The following GCLM variants were observed in gnomAD, a reference collection of about 807,000 sequenced individuals.
GCLM encodes glutamate-cysteine ligase modifier subunit.
In GCLM, 15 loss-of-function variants were observed where a neutral mutation model predicts 36.0. That is an observed-to-expected ratio of 0.42 (90% CI 0.28 to 0.64). The LOEUF (loss-of-function observed/expected upper bound fraction) is 0.64. GCLM is among the 30% of genes least tolerant of loss of function. The pLI is 0.25. For missense variants in GCLM, 242 were observed against 325.5 expected (o/e 0.74, Z 1.97); for synonymous variants, 129 against 122.8 (o/e 1.05, Z -0.34).
intron 2 of GCLM, among the ~76,000 whole-genome samples, chr1:93,903,658 G>C (rs1657043261): frequency 6.6e-6 from 1 of 151,724 alleles, no homozygotes; most frequent in Non-Finnish European, 1.5e-5. Flanking sequence ...TTTTTTTCCT[G>C]AGTGCAGCAG....
chr1:93,896,297 A>G lies in GCLM; in HGVS notation c.540+321T>C, dbSNP rs560036794. Reference sequence around the variant, plus strand: ...CTTTAGGTATTATTGTTTTCAGCACATAAGTAGAACTGAAGGAAATGGCCT... The same window carrying G: ...CTTTAGGTATTATTGTTTTCAGCACGTAAGTAGAACTGAAGGAAATGGCCT... On this transcript the variant is annotated intron_variant, in intron 5 of 6. Transcript: ENST00000370238. Among the ~76,000 whole-genome samples, 6 of 152,306 alleles carry G rather than the reference A, an allele frequency of 3.9e-5. No homozygotes were observed. In the South Asian group the frequency reaches 1.2e-3, roughly 32 times the overall value.
chr1:93,893,351 T>C (rs1273522484), intron 6 of GCLM, among the ~76,000 whole-genome samples: 1 of 152,154 alleles, frequency 6.6e-6, no homozygotes, highest in African/African-American at 2.4e-5. Flanking sequence ...CAAGGAAAAA[T>C]AACTATTAAA....
At chr1:93,905,620 TAC>T (rs1657121267) in intron 1 of GCLM, among the ~76,000 whole-genome samples, 1 of 152,176 alleles carries the variant, frequency 6.6e-6, no homozygotes, top group Non-Finnish European at 1.5e-5. Flanking sequence ...AAAAAATTTA[TAC>T]AAATATTATA....
intron 1 of GCLM, among the ~76,000 whole-genome samples, chr1:93,905,666 A>C (rs1431252181): frequency 6.6e-6 from 1 of 152,254 alleles, no homozygotes; most frequent in African/African-American, 2.4e-5. Flanking sequence ...ATACTTTATT[A>C]AAGTGTATTT....
intron 1 of GCLM, 72 bp from the exon 2 acceptor site, chr1:93,904,660 A>G (rs2234729): frequency 0.033 from 30,924 of 929,248 alleles, 2,161 homozygotes; most frequent in African/African-American, 0.24. Flanking sequence ...CAATAAGAAT[A>G]TATTAATTTG....
intron 1 of GCLM, among the ~76,000 whole-genome samples, chr1:93,906,423 T>C (rs1234462508): frequency 6.6e-6 from 1 of 152,154 alleles, no homozygotes; most frequent in Non-Finnish European, 1.5e-5. Context: ...GTGGGATAAT[T>C]CTAAGAAATT....
intron 4 of GCLM, among the ~76,000 whole-genome samples, chr1:93,897,312 T>C (rs1412925651): frequency 6.6e-6 from 1 of 152,204 alleles, no homozygotes; most frequent in African/African-American, 2.4e-5. Context: ...TCCATATTTA[T>C]AGAGGTAGAT....
rs139488679 is a variant in GCLM, at chr1:93,908,893, T to C, written c.126+145A>G. ...ACCCAAGGTCGCGTCGACACTGGCCTCAGCATCTGACCGCGGGCGGAGCCC... is the reference window on the plus strand; with the variant it reads ...ACCCAAGGTCGCGTCGACACTGGCCCCAGCATCTGACCGCGGGCGGAGCCC... On this transcript the variant is annotated intron_variant, in intron 1 of 6. Transcript: ENST00000370238. 4.2e-3 allele frequency: 2,506 copies of C among 600,212 alleles called. 49 individuals carry two copies. The African/African-American group carries it at 0.045, about 11-fold the overall frequency. The allele number at this position is 600,212 out of a possible 1,614,324, so 37.2% of individuals were successfully genotyped here. A position where few individuals can be genotyped will look rare whatever the true frequency, so the allele number is the denominator to read the frequency against.
In GCLM at chr1:93,888,931, A is replaced by T; in HGVS notation, c.*59T>A. On this transcript the variant is annotated 3_prime_UTR_variant, in exon 7 of 7. Coordinates refer to ENST00000370238, the MANE Select transcript of GCLM (RefSeq NM_002061.4). ...TTACAGGCAGTAACTAGATTTTTAC[A>T]CATCTCAATTTTCTCTCATATTGAA... 1.7e-6 allele frequency: 2 copies of T among 1,175,682 alleles called. No homozygotes were observed. Among genetic ancestry groups the T allele is most frequent in the Non-Finnish European group, 2.4e-6 (2 of 838,930 alleles). 72.8% of individuals were successfully genotyped at this position (1,175,682 alleles called of 1,614,324 possible).
At chr1:93,896,535 T>C (rs1445845015) in intron 5 of GCLM, 83 bp downstream of exon 5, 10 of 1,109,240 alleles carry the variant, frequency 9.0e-6, no homozygotes, top group Admixed American at 1.7e-5. Context: ...GTGGCCACTA[T>C]GTGCATGATG....
In GCLM at chr1:93,886,121, T is replaced by C. The variant is rs539217874; in HGVS notation, c.*2869A>G. Reference sequence around the variant, plus strand: ...CAGTTTCATGGATGGGAATTCAAGATAGACTCATAACAGAACAAATTCCAA... The same window carrying C: ...CAGTTTCATGGATGGGAATTCAAGACAGACTCATAACAGAACAAATTCCAA... On this transcript the variant is annotated 3_prime_UTR_variant, in exon 7 of 7. Transcript: ENST00000370238. The C allele has an allele frequency of 2.6e-5, 4 of 152,254 alleles. No individual in the cohort carries two copies. The East Asian group carries it at 5.8e-4, about 22-fold the overall frequency. 9.4% of individuals were successfully genotyped at this position (152,254 alleles called of 1,614,324 possible). A position where few individuals can be genotyped will look rare whatever the true frequency, so the allele number is the denominator to read the frequency against.
At chr1:93,892,222 A>C (rs1001765520) in intron 6 of GCLM, among the ~76,000 whole-genome samples, 23 of 152,332 alleles carry the variant, frequency 1.5e-4, no homozygotes, top group African/African-American at 5.3e-4. Context: ...TTCTAGAACA[A>C]AGGGTAATGG....
chr1:93,889,578 CAT>C (rs147435328), intron 6 of GCLM, among the ~76,000 whole-genome samples: 12 of 149,136 alleles, frequency 8.0e-5, no homozygotes, highest in Non-Finnish European at 1.0e-4. Context: ...TATATATCTT[CAT>C]ATATATATAT....
At chr1:93,898,506 T>C (rs908030198) in intron 3 of GCLM, among the ~76,000 whole-genome samples, 1 of 152,048 alleles carries the variant, frequency 6.6e-6, no homozygotes, top group Non-Finnish European at 1.5e-5. Flanking sequence ...ATTTCTTTAC[T>C]TTTAAAAATT....
chr1:93,888,933 A>G lies in GCLM; in HGVS notation c.*57T>C. ...ACAGGCAGTAACTAGATTTTTACACATCTCAATTTTCTCTCATATTGAAGG... is the reference window on the plus strand; with the variant it reads ...ACAGGCAGTAACTAGATTTTTACACGTCTCAATTTTCTCTCATATTGAAGG... On this transcript the variant is annotated 3_prime_UTR_variant, in exon 7 of 7. Coordinates refer to ENST00000370238, the MANE Select transcript of GCLM (RefSeq NM_002061.4). 8.3e-7 allele frequency: 1 copy of G among 1,204,726 alleles called. No homozygotes were observed. The highest frequency in any genetic ancestry group is 2.6e-5 in the East Asian group (1 of 38,702). 74.6% of individuals were successfully genotyped at this position (1,204,726 alleles called of 1,614,324 possible).
At chr1:93,900,792 T>C (rs1275857552) in intron 3 of GCLM, among the ~76,000 whole-genome samples, 2 of 152,168 alleles carry the variant, frequency 1.3e-5, no homozygotes, top group African/African-American at 4.8e-5. Context: ...ACCACAATAA[T>C]AACAACATGG....
intron 4 of GCLM, 30 bp downstream of exon 4, chr1:93,897,809 A>T: frequency 7.9e-7 from 1 of 1,261,164 alleles, no homozygotes; most frequent in Non-Finnish European, 1.1e-6. Flanking sequence ...AAAGTCCACT[A>T]TTAAGATAAA....
Position 93,889,062 on chromosome 1 carries a change from C to G in GCLM, c.753G>C (p.Ser251=), listed in dbSNP as rs567112849. ...TAATTCCTCTACTTTTCACAATGAC[C>G]GAATACCGCAGTAGCCACAGCGGCA... ...EWVPLWLLRY[S]VIVKSRGIIK... The change falls in exon 7 of 7, where the codon TCG becomes TCC. Residue 251 remains serine (S), a synonymous_variant. Transcript: ENST00000370238. 2 of 1,602,300 alleles carry G rather than the reference C, an allele frequency of 1.2e-6. No homozygotes were observed. Among genetic ancestry groups the G allele is most frequent in the African/African-American group, 1.3e-5 (1 of 74,332 alleles).
intron 2 of GCLM, among the ~76,000 whole-genome samples, chr1:93,902,019 G>T (rs1656969247): frequency 1.3e-5 from 2 of 152,016 alleles, no homozygotes; most frequent in Admixed American, 1.3e-4. Context: ...ACTCTAAAAA[G>T]AAACCAATGA....
Sources: gnomAD v4.1 joint callset for allele counts (sites outside exome capture counted in the v4.1 genomes callset) on GRCh38, gnomAD v4.1.1 for gene constraint, MANE v1.5 for transcripts, NCBI Gene and HGNC (gene_info 2026-07-23, HGNC 2026-07-21) for gene names.